XRRA1: variants seen among roughly 807,000 people sequenced by gnomAD.
The protein encoded by XRRA1 is X-ray radiation resistance associated 1.
XRRA1 carries 69 observed loss-of-function variants against 80.2 expected under a neutral mutation model. The ratio of observed to expected loss-of-function variants is 0.86; its 90% confidence interval spans 0.71 to 1.05. The LOEUF is 1.05. Ranked by LOEUF, XRRA1 falls within the 50% of genes least tolerant of loss-of-function variation. The probability of loss-of-function intolerance (pLI) is 0.00; values close to 1 mark genes in which losing one functional copy is unlikely to be tolerated. For missense variants in XRRA1, 967 were observed against 976.4 expected (o/e 0.99, Z 0.13); for synonymous variants, 348 against 389.9 (o/e 0.89, Z 1.27).
At chr11:74,852,564 C>T (rs1173005654) in intron 12 of XRRA1, among the ~76,000 whole-genome samples, 1 of 152,242 alleles carries the variant, frequency 6.6e-6, no homozygotes, top group East Asian at 1.9e-4. Flanking sequence ...TGAGGCCAGT[C>T]CTGGGCACTT....
chr11:74,914,019 C>T (rs1341910741), intron 8 of XRRA1, among the ~76,000 whole-genome samples: 7 of 152,108 alleles, frequency 4.6e-5, no homozygotes, highest in South Asian at 4.1e-4. Context: ...GAGTCTCACT[C>T]TGTCGCCTGG....
chr11:74,892,490 C>T (rs1175236184), intron 10 of XRRA1, among the ~76,000 whole-genome samples: 2 of 152,070 alleles, frequency 1.3e-5, no homozygotes, highest in East Asian at 3.9e-4. Flanking sequence ...AGGACATAGG[C>T]ATGGGCAAGG....
intron 2 of XRRA1, among the ~76,000 whole-genome samples, chr11:74,944,528 A>G (rs1244502114): frequency 6.6e-6 from 1 of 152,198 alleles, no homozygotes; most frequent in Non-Finnish European, 1.5e-5. Flanking sequence ...CTTTGGTCCA[A>G]CACAGGGCAC....
rs752244059 is a variant in XRRA1 at position 74,937,018 on chromosome 11, T to C, written c.145A>G (p.Lys49Glu). 1 of 1,613,928 alleles carries C rather than the reference T, an allele frequency of 6.2e-7. No individual in the cohort carries two copies. The highest frequency in any genetic ancestry group is 8.5e-7 in the Non-Finnish European group (1 of 1,179,888). ...VQKGNLKKKP[K>E]GLVGAQAERR... is the part of the protein sequence containing the mutation. ...TCAGCTTGTGCTCCAACCAAACCCT[T>C]GGGCTTCTTCTTGAGGTTACCTTTC... The change falls in exon 4 of 19, where the codon AAG becomes GAG. Residue 49 changes from lysine (K) to glutamate (E), a missense_variant. Lys to Glu is a moderately conservative substitution (Grantham distance 56, BLOSUM62 1). Transcript: ENST00000684022.
chr11:74,916,340 G>C (rs189319522), intron 8 of XRRA1, among the ~76,000 whole-genome samples: 2 of 152,110 alleles, frequency 1.3e-5, no homozygotes, highest in East Asian at 3.9e-4. Context: ...AGGTCCCTTA[G>C]GCTTTGTTCA....
At chr11:74,846,199 C>A (rs2038098233) in intron 15 of XRRA1, 1 of 151,924 alleles carries the variant, frequency 6.6e-6, no homozygotes, top group Non-Finnish European at 1.5e-5. Flanking sequence ...CATAGTGAGA[C>A]CCCACCATGT....
chr11:74,853,715 C>A (rs2040429924), intron 12 of XRRA1, among the ~76,000 whole-genome samples: 1 of 152,210 alleles, frequency 6.6e-6, no homozygotes, highest in Admixed American at 6.5e-5. Flanking sequence ...AAGTTTGTTG[C>A]AGTAGCTAGT....
intron 10 of XRRA1, among the ~76,000 whole-genome samples, chr11:74,871,342 G>A (rs1182175394): frequency 6.6e-6 from 1 of 152,178 alleles, no homozygotes; most frequent in East Asian, 1.9e-4. Context: ...TCTACCTTGG[G>A]CCATTCTAAA....
rs2037719701 is a variant in XRRA1, at chr11:74,845,162, T to C, written c.1838A>G (p.Lys613Arg). The change falls in exon 16 of 19, where the codon AAA becomes AGA. Residue 613 changes from lysine to arginine, a missense_variant. Lys to Arg is a conservative substitution (Grantham distance 26, BLOSUM62 2). Transcript: ENST00000684022. The part of the protein sequence containing the change: ...APREVKGTRR[K>R]LPTAFLPSKY... ...GCTGGGAAGGAAGGCAGTTGGGAGT[T>C]TCCTCCGAGTCCCTTTCACCTCTCT... The C allele has an allele frequency of 6.2e-7, 1 of 1,614,072 alleles. No individual in the cohort carries two copies. The highest frequency in any genetic ancestry group is 8.5e-7 in the Non-Finnish European group (1 of 1,179,896).
intron 2 of XRRA1, 95 bp from the exon 3 acceptor site, chr11:74,940,977 A>G (rs1268987687): frequency 3.4e-6 from 3 of 884,554 alleles, no homozygotes; most frequent in Admixed American, 2.1e-5. Flanking sequence ...CACCAGGACC[A>G]CCACACCCGC....
chr11:74,843,705 G>T (rs1421217989), intron 18 of XRRA1, 149 bp downstream of exon 18: 2 of 833,346 alleles, frequency 2.4e-6, no homozygotes, highest in African/African-American at 3.4e-5. Context: ...GCCTCACGCT[G>T]GCTCTCCTTT....
chr11:74,908,418 G>C (rs2055108644), intron 8 of XRRA1, among the ~76,000 whole-genome samples: 1 of 152,122 alleles, frequency 6.6e-6, no homozygotes, highest in Non-Finnish European at 1.5e-5. Context: ...TTAAAGGGTG[G>C]GGAAATGGAA....
At chr11:74,863,625 G>C (rs17133518) in intron 10 of XRRA1, 1,748 of 153,284 alleles carry the variant, frequency 0.011, 46 homozygotes, top group African/African-American at 0.04. Context: ...TCTAACAGCT[G>C]AGTTCAACCT....
At chr11:74,847,219 A>C (rs1453585356) in intron 15 of XRRA1, among the ~76,000 whole-genome samples, 1 of 152,202 alleles carries the variant, frequency 6.6e-6, no homozygotes, top group Non-Finnish European at 1.5e-5. Context: ...ATATGTCACT[A>C]TAAGTCATCT....
At position 74,851,099 on chromosome 11, in the gene XRRA1, C is replaced by T. The variant is rs756696597; in HGVS notation, c.1369G>A (p.Glu457Lys). 6.2e-7 allele frequency: 1 copy of T among 1,610,040 alleles called. No individual in the cohort carries two copies. Among genetic ancestry groups the T allele is most frequent in the Non-Finnish European group, 8.5e-7 (1 of 1,177,864 alleles). The change falls in exon 14 of 19, where the codon GAA becomes AAA. Residue 457 changes from glutamate (E) to lysine (K), a missense_variant. By Grantham distance (56) the Glu-to-Lys change is moderately conservative (BLOSUM62 1). Transcript: ENST00000684022. ...PKHHVLMSRK[E>K]SWKVKSEIPK... is the part of the protein sequence containing the mutation. ...CTTGGAAGCCCTACCTTCCATGATT[C>T]CTTCCGAGACATCAAAACATGATGC...
At chr11:74,865,698 C>T (rs2043248276) in intron 10 of XRRA1, among the ~76,000 whole-genome samples, 1 of 152,200 alleles carries the variant, frequency 6.6e-6, no homozygotes. Context: ...CCAACATGCC[C>T]CAGTCTTAAA....
intron 10 of XRRA1, among the ~76,000 whole-genome samples, chr11:74,871,453 A>G (rs931507912): frequency 2.6e-5 from 4 of 152,138 alleles, no homozygotes; most frequent in Non-Finnish European, 5.9e-5. Context: ...GACTCCTTTA[A>G]TCCTGAAACT....
chr11:74,887,290 AG>A (rs2049274012), intron 10 of XRRA1, among the ~76,000 whole-genome samples: 1 of 152,252 alleles, frequency 6.6e-6, no homozygotes, highest in South Asian at 2.1e-4. Context: ...GATAAAGTAT[AG>A]AATCAGAGAA....
intron 14 of XRRA1, among the ~76,000 whole-genome samples, chr11:74,850,345 C>T (rs2039459031): frequency 1.3e-5 from 2 of 152,158 alleles, no homozygotes; most frequent in South Asian, 4.1e-4. Context: ...GAGGAGGTAA[C>T]AGACAAGGAG....
Sources: gnomAD v4.1 joint callset for allele counts (sites outside exome capture counted in the v4.1 genomes callset) on GRCh38, gnomAD v4.1.1 for gene constraint, MANE v1.5 for transcripts, NCBI Gene and HGNC (gene_info 2026-07-23, HGNC 2026-07-21) for gene names.